Variants in RBFOX1 observed in about 807,000 individuals in gnomAD.
RBFOX1 encodes RNA binding fox-1 homolog 1, also known as RNA binding protein fox-1 homolog 1.
A neutral mutation model predicts 57.7 loss-of-function variants in RBFOX1; 8 were observed. The ratio of observed to expected loss-of-function variants is 0.14; its 90% CI spans 0.08 to 0.25. The LOEUF is 0.25. Among genes scored for constraint, RBFOX1 ranks in the 10% least tolerant of loss-of-function variants. The pLI, the probability that RBFOX1 is intolerant of heterozygous loss-of-function variation, is 1.00. For synonymous variants in RBFOX1, 326 were observed against 222.4 expected, an observed-to-expected ratio of 1.47 and a Z score of -4.15; for missense variants, 611 against 548.5, an observed-to-expected ratio of 1.11 and a Z score of -1.14.
chr16:6,678,227 C>G (rs1372427694), intron 3 of RBFOX1, among the ~76,000 whole-genome samples: 1 of 152,170 alleles, frequency 6.6e-6, no homozygotes, highest in Non-Finnish European at 1.5e-5. Flanking sequence ...TGAGTTCAAG[C>G]ATTTATCCAA....
intron 2 of RBFOX1, among the ~76,000 whole-genome samples, chr16:5,535,117 C>T (rs2044645043): frequency 1.3e-5 from 2 of 152,180 alleles, no homozygotes; most frequent in East Asian, 1.9e-4. Flanking sequence ...AGCTGATAAA[C>T]ACATGCAGCT....
At chr16:6,525,472 C>G (rs1312456028) in intron 2 of RBFOX1, among the ~76,000 whole-genome samples, 1 of 152,172 alleles carries the variant, frequency 6.6e-6, no homozygotes, top group East Asian at 1.9e-4. Flanking sequence ...TGTTTGTGCT[C>G]AAGTCAGGAG....
At chr16:6,275,306 A>G (rs892080956) in intron 1 of RBFOX1, among the ~76,000 whole-genome samples, 7 of 29,728 alleles carry the variant, frequency 2.4e-4, no homozygotes, top group African/African-American at 5.6e-4. Context: ...GTGAGACTCC[A>G]TCTCAAAAAA....
chr16:6,359,507 A>G (rs2088012939), intron 2 of RBFOX1, among the ~76,000 whole-genome samples: 1 of 152,190 alleles, frequency 6.6e-6, no homozygotes. Flanking sequence ...GCACATTCTC[A>G]TAATGAAAGA....
intron 2 of RBFOX1, among the ~76,000 whole-genome samples, chr16:5,579,982 A>C (rs2046608197): frequency 1.3e-5 from 2 of 151,912 alleles, no homozygotes; most frequent in African/African-American, 4.8e-5. Flanking sequence ...ACATGGCTGG[A>C]CTGGTCTTGA....
chr16:6,873,557 C>A (rs373468366), intron 3 of RBFOX1, among the ~76,000 whole-genome samples: 4 of 152,170 alleles, frequency 2.6e-5, no homozygotes, highest in African/African-American at 9.6e-5. Context: ...AAAAAAAGAA[C>A]AACTTTGCTG....
intron 4 of RBFOX1, among the ~76,000 whole-genome samples, chr16:5,881,697 A>T (rs188748897): frequency 4.5e-4 from 69 of 152,222 alleles, no homozygotes; most frequent in Admixed American, 1.8e-3. Flanking sequence ...AAGTTTTTTT[A>T]AAAAAAGATC....
chr16:7,589,376 A>C (rs2094313694), intron 7 of RBFOX1, among the ~76,000 whole-genome samples: 1 of 152,172 alleles, frequency 6.6e-6, no homozygotes, highest in Admixed American at 6.5e-5. Context: ...TTGAAAGTAC[A>C]ATGGTGATAC....
rs201176784 is a variant in RBFOX1, at chr16:7,622,701, CG to C, written c.677-7901del. Among the ~76,000 whole-genome samples, 1,034 of 152,056 alleles carry C rather than the reference CG, an allele frequency of 6.8e-3. 12 individuals are homozygous for C. The highest frequency in any genetic ancestry group is 0.013 in the Admixed American group (194 of 15,280). ...GGATTATTTACACTATAGACAGATG[CG>C]CTTCAGGGCCCCTTTAAATATGGAA... On this transcript the variant is annotated intron_variant, in intron 10 of 15. Coordinates refer to ENST00000550418, the MANE Select transcript of RBFOX1 (RefSeq NM_018723.4).
chr16:5,993,907 G>A (rs111315499), intron 4 of RBFOX1, among the ~76,000 whole-genome samples: 9 of 152,110 alleles, frequency 5.9e-5, no homozygotes, highest in Non-Finnish European at 8.8e-5. Context: ...AGCAGGTCCC[G>A]CTGGGTGGGA....
chr16:7,442,770 C>A (rs1053992440), intron 4 of RBFOX1, among the ~76,000 whole-genome samples: 1 of 152,132 alleles, frequency 6.6e-6, no homozygotes, highest in Non-Finnish European at 1.5e-5. Flanking sequence ...GAAACCATGG[C>A]CTCAGACGTC....
intron 4 of RBFOX1, among the ~76,000 whole-genome samples, chr16:7,163,769 A>G (rs1485535442): frequency 6.6e-6 from 1 of 151,670 alleles, no homozygotes; most frequent in African/African-American, 2.4e-5. Context: ...CGAATCTCCC[A>G]CCTCAGTCTT....
chr16:5,888,678 C>A lies in RBFOX1; in HGVS notation c.351+21343C>A, dbSNP rs147163176. On this transcript the variant is annotated intron_variant, in intron 4 of 19. Transcript: ENST00000641259. Reference sequence around the variant, plus strand: ...GGTGTGGTGGCACATGCCTGTAATCCCAGCTACTCAACAAGGCTGAGGCAG... The same window carrying A: ...GGTGTGGTGGCACATGCCTGTAATCACAGCTACTCAACAAGGCTGAGGCAG... Among the ~76,000 whole-genome samples the A allele has an allele frequency of 2.0e-5, 3 of 151,718 alleles. No homozygotes were observed. In the South Asian group the frequency reaches 6.3e-4, roughly 32 times the overall value.
chr16:7,402,604 C>A (rs1391243571), intron 4 of RBFOX1, among the ~76,000 whole-genome samples: 3 of 152,134 alleles, frequency 2.0e-5, no homozygotes, highest in African/African-American at 7.2e-5. Context: ...GATCCTTATG[C>A]ATAATTTGAA....
chr16:6,665,329 G>A (rs919886204), intron 3 of RBFOX1, among the ~76,000 whole-genome samples: 16 of 152,204 alleles, frequency 1.1e-4, no homozygotes, highest in Non-Finnish European at 1.6e-4. Context: ...AAATGAGGGA[G>A]GGGGCTGGGC....
intron 4 of RBFOX1, among the ~76,000 whole-genome samples, chr16:7,294,771 G>A (rs1469776360): frequency 1.4e-5 from 2 of 146,852 alleles, no homozygotes; most frequent in African/African-American, 5.1e-5. Context: ...AAAAAATGAT[G>A]AATATGATGA....
At chr16:6,228,627 C>T (rs1459576116) in intron 1 of RBFOX1, among the ~76,000 whole-genome samples, 1 of 152,082 alleles carries the variant, frequency 6.6e-6, no homozygotes, top group African/African-American at 2.4e-5. Flanking sequence ...CTCATAGAAA[C>T]AGAGTAAAAT....
At chr16:6,982,396 G>A (rs912102447) in intron 3 of RBFOX1, among the ~76,000 whole-genome samples, 10 of 152,156 alleles carry the variant, frequency 6.6e-5, no homozygotes, top group African/African-American at 1.9e-4. Flanking sequence ...TATCATTCCA[G>A]AGTCAGGGCT....
chr16:5,800,138 T>C (rs2055011136), intron 3 of RBFOX1, among the ~76,000 whole-genome samples: 1 of 151,948 alleles, frequency 6.6e-6, no homozygotes, highest in Non-Finnish European at 1.5e-5. Context: ...TACAGAAAAC[T>C]GTAGAACAAG....
Sources: allele counts gnomAD v4.1 joint callset (sites outside exome capture counted in the v4.1 genomes callset), GRCh38; gene constraint gnomAD v4.1.1; transcripts MANE v1.5; gene names NCBI Gene and HGNC (gene_info 2026-07-23, HGNC 2026-07-21).